The following DTL variants were observed in gnomAD, a reference collection of about 807,000 sequenced individuals.
The protein encoded by DTL is denticleless E3 ubiquitin protein ligase adapter.
DTL carries 46 observed loss-of-function variants against 87.0 expected under a neutral mutation model. The observed-to-expected ratio is 0.53, with a 90% confidence interval of 0.42 to 0.68. DTL has a LOEUF of 0.68. DTL is among the 30% of genes least tolerant of loss of function. DTL has a pLI of 0.00. For synonymous variants in DTL, 308 were observed against 311.2 expected (o/e 0.99, Z 0.11); for missense variants, 737 against 869.4 (o/e 0.85, Z 1.91).
intron 5 of DTL, among the ~76,000 whole-genome samples, chr1:212,052,464 C>T (rs189975621): frequency 6.6e-4 from 101 of 151,974 alleles, no homozygotes; most frequent in African/African-American, 2.4e-3. Flanking sequence ...TGATGAAATC[C>T]CATCTTTACT....
At chr1:212,085,196 T>G (rs989824267) in intron 13 of DTL, among the ~76,000 whole-genome samples, 4 of 152,230 alleles carry the variant, frequency 2.6e-5, no homozygotes, top group African/African-American at 9.6e-5. Context: ...ACTCAAGATA[T>G]AGAGAGTCAA....
chr1:212,098,015 A>T (rs1655501034), intron 13 of DTL, among the ~76,000 whole-genome samples: 1 of 152,064 alleles, frequency 6.6e-6, no homozygotes, highest in Admixed American at 6.5e-5. Flanking sequence ...CACCCAGCAG[A>T]GCTACTGGGT....
chr1:212,080,600 G>T lies in DTL; in HGVS notation c.1126-15G>T, dbSNP rs1161099475. On this transcript the variant is annotated splice_polypyrimidine_tract_variant and intron_variant, in intron 12 of 14. Transcript: ENST00000366991. Reference sequence around the variant, plus strand: ...ATTGAAATTTCTTAATTCCCTTCTTGGTACTCCCTCTTAGATTGCTACCTG... The same window carrying T: ...ATTGAAATTTCTTAATTCCCTTCTTTGTACTCCCTCTTAGATTGCTACCTG... 6.3e-7 allele frequency: 1 copy of T among 1,597,942 alleles called. No homozygotes were observed. Among genetic ancestry groups the T allele is most frequent in the Admixed American group, 1.8e-5 (1 of 56,512 alleles).
At chr1:212,080,139 C>T (rs573051323) in intron 12 of DTL, among the ~76,000 whole-genome samples, 2 of 152,306 alleles carry the variant, frequency 1.3e-5, no homozygotes, top group African/African-American at 2.4e-5. Context: ...TTCTACTTGT[C>T]ACAGCCTACT....
rs186739350 is a variant in DTL at position 212,093,589 on chromosome 1, A to G, written c.1262-6663A>G. The stretch of plus-strand genomic sequence containing the variant: ...CCGACTGCCCCGACCAAACTGCATC[A>G]TTCCACCGGTTGATGCCCTGCTGGC... On this transcript the variant is annotated intron_variant, in intron 13 of 14. Coordinates refer to ENST00000366991, the MANE Select transcript of DTL (RefSeq NM_016448.4). 4.7e-3 allele frequency among the ~76,000 whole-genome samples: 714 copies of G among 152,294 alleles called. 6 individuals are homozygous for G. The highest frequency in any genetic ancestry group is 0.016 in the African/African-American group (672 of 41,556).
intron 11 of DTL, among the ~76,000 whole-genome samples, chr1:212,073,500 T>C (rs922265119): frequency 6.6e-6 from 1 of 152,130 alleles, no homozygotes; most frequent in Non-Finnish European, 1.5e-5. Context: ...TATTGCTAAT[T>C]TTTTTTAGGA....
At chr1:212,062,195 G>T (rs1042469172) in intron 5 of DTL, among the ~76,000 whole-genome samples, 2 of 152,150 alleles carry the variant, frequency 1.3e-5, no homozygotes, top group African/African-American at 4.8e-5. Flanking sequence ...AGCTGTTTTT[G>T]TGTTTTATCC....
chr1:212,089,126 G>A (rs1051400371), intron 13 of DTL, among the ~76,000 whole-genome samples: 11 of 152,138 alleles, frequency 7.2e-5, no homozygotes, highest in East Asian at 1.9e-4. Flanking sequence ...AGTAGACTCT[G>A]TATAATTCTT....
chr1:212,063,967 G>A lies in DTL; in HGVS notation c.527-950G>A, dbSNP rs181717821. Among the ~76,000 whole-genome samples the A allele has an allele frequency of 9.9e-4, 147 of 148,050 alleles. 1 individual carries two copies. The highest frequency in any genetic ancestry group is 6.7e-4 in the Non-Finnish European group (45 of 67,380). On this transcript the variant is annotated intron_variant, in intron 6 of 14. Transcript: ENST00000366991. ...GAGTGCAGTGGCGTGATCTCATCTC[G>A]CTGCAACCTCCGCCTCCTGGGTTCA...
At chr1:212,087,362 C>T (rs1655159620) in intron 13 of DTL, among the ~76,000 whole-genome samples, 1 of 151,908 alleles carries the variant, frequency 6.6e-6, no homozygotes. Context: ...TCCTGGCTAA[C>T]ATGGTGAAAC....
At chr1:212,040,081 C>A (rs1667590362) in intron 1 of DTL, among the ~76,000 whole-genome samples, 2 of 152,184 alleles carry the variant, frequency 1.3e-5, no homozygotes, top group South Asian at 4.1e-4. Context: ...AACTTTTTGA[C>A]CCTTGTGGTA....
chr1:212,097,251 T>C (rs558376419), intron 13 of DTL, among the ~76,000 whole-genome samples: 103 of 152,324 alleles, frequency 6.8e-4, no homozygotes, highest in South Asian at 1.5e-3. Context: ...ACAGGTTACC[T>C]GATGCTTTTG....
rs755533677 is a variant in DTL, at chr1:212,100,870, C to T, written c.1880C>T (p.Pro627Leu). The change falls in exon 14 of 15, where the codon CCG (proline) becomes CTG (leucine). Residue 627 changes from proline to leucine, a missense_variant. Physicochemically the swap from Pro to Leu is moderately conservative, Grantham distance 98. Transcript: ENST00000366991. ...TCAGAGCCTCCGTCTCCTATCAGTC[C>T]GTATGCTTCAGAAAGCTGTGGAACG... Reference protein sequence around the residue: ...SISEPPSPISPYASESCGTLP... With the variant: ...SISEPPSPISLYASESCGTLP... 2.2e-5 allele frequency: 36 copies of T among 1,613,994 alleles called. No individual in the cohort carries two copies. The highest frequency in any genetic ancestry group is 5.3e-5 in the African/African-American group (4 of 74,894).
chr1:212,046,515 C>T (rs916670441), intron 3 of DTL, among the ~76,000 whole-genome samples: 1 of 152,028 alleles, frequency 6.6e-6, no homozygotes, highest in African/African-American at 2.4e-5. Context: ...TTGTTCAGCT[C>T]CCACTTATGA....
intron 13 of DTL, among the ~76,000 whole-genome samples, chr1:212,082,908 T>G (rs1655028277): frequency 6.6e-6 from 1 of 152,226 alleles, no homozygotes; most frequent in Non-Finnish European, 1.5e-5. Flanking sequence ...GTTGTGTGTT[T>G]GCTATGCAAG....
At chr1:212,043,402 T>C (rs1667710777) in intron 2 of DTL, among the ~76,000 whole-genome samples, 1 of 152,162 alleles carries the variant, frequency 6.6e-6, no homozygotes, top group Non-Finnish European at 1.5e-5. Context: ...ATGAAAACTG[T>C]TTTATCCAGT....
rs574557127 is a variant in DTL at position 212,072,276 on chromosome 1, T to A, written c.1035+63T>A. On this transcript the variant is annotated intron_variant, in intron 11 of 14. Transcript: ENST00000366991. ...AGTATTCTTGCAAATATTTGTTCTGTCCAATATGAGATAAGTTTAATGTAA... is the reference window on the plus strand; with the variant it reads ...AGTATTCTTGCAAATATTTGTTCTGACCAATATGAGATAAGTTTAATGTAA... 1.6e-4 allele frequency: 199 copies of A among 1,273,332 alleles called. 2 individuals are homozygous for A. In the South Asian group the frequency reaches 2.2e-3, roughly 14 times the overall value. The allele number at this position is 1,273,332 out of a possible 1,614,324, so 78.9% of individuals were successfully genotyped here. A position where few individuals can be genotyped will look rare whatever the true frequency, so the allele number is the denominator to read the frequency against.
At chr1:212,043,222 G>C (rs1667706970) in intron 2 of DTL, 104 bp downstream of exon 2, 2 of 1,208,994 alleles carry the variant, frequency 1.7e-6, no homozygotes, top group Non-Finnish European at 2.2e-6. Context: ...AAGTAAATTA[G>C]GTGGATGTTA....
chr1:212,044,967 C>A (rs1007637952), intron 3 of DTL, among the ~76,000 whole-genome samples: 1 of 152,118 alleles, frequency 6.6e-6, no homozygotes, highest in African/African-American at 2.4e-5. Flanking sequence ...CTCAGGCTGC[C>A]CCCACTCCTG....
Sources: gnomAD v4.1 joint callset for allele counts (sites outside exome capture counted in the v4.1 genomes callset) on GRCh38, gnomAD v4.1.1 for gene constraint, MANE v1.5 for transcripts, NCBI Gene and HGNC (gene_info 2026-07-23, HGNC 2026-07-21) for gene names.